The following KIAA0825 variants were observed in gnomAD, a reference collection of about 807,000 sequenced individuals.
The protein encoded by KIAA0825 is KIAA0825.
In KIAA0825, 119 loss-of-function variants were observed where a neutral mutation model predicts 147.6. That is an observed-to-expected ratio of 0.81 (90% confidence interval 0.69 to 0.94). The LOEUF (loss-of-function observed/expected upper bound fraction) is 0.94. Among genes scored for constraint, KIAA0825 ranks in the 40% least tolerant of loss-of-function variants. The pLI is 0.00. For missense variants in KIAA0825, 1,381 were observed against 1,472.7 expected, an observed-to-expected ratio of 0.94 and a Z score of 1.02; for synonymous variants, 470 against 518.1, an observed-to-expected ratio of 0.91 and a Z score of 1.26.
intron 20 of KIAA0825, among the ~76,000 whole-genome samples, chr5:94,198,918 T>G (rs183960295): frequency 1.6e-4 from 24 of 152,352 alleles, no homozygotes; most frequent in Non-Finnish European, 1.0e-4. Context: ...TGGTTCTTTC[T>G]TAAAATGACT....
chr5:94,199,294 C>A (rs1033481629), intron 20 of KIAA0825, among the ~76,000 whole-genome samples: 2 of 152,176 alleles, frequency 1.3e-5, no homozygotes, highest in Admixed American at 6.5e-5. Context: ...TTTCTGCATG[C>A]CTCCAGGGGG....
At chr5:94,400,142 T>C (rs892076969) in intron 16 of KIAA0825, among the ~76,000 whole-genome samples, 4 of 152,146 alleles carry the variant, frequency 2.6e-5, no homozygotes, top group African/African-American at 7.2e-5. Context: ...AACTACCGAA[T>C]AGGTGAAGGC....
chr5:94,479,929 G>A (rs1311702511), intron 6 of KIAA0825, among the ~76,000 whole-genome samples: 2 of 151,878 alleles, frequency 1.3e-5, no homozygotes, highest in Admixed American at 6.6e-5. Context: ...TTTTAAATTG[G>A]GTTGTTTGTT....
At chr5:94,504,855 C>T (rs939466445) in intron 5 of KIAA0825, among the ~76,000 whole-genome samples, 19 of 149,112 alleles carry the variant, frequency 1.3e-4, no homozygotes, top group South Asian at 2.1e-4. Flanking sequence ...TCAAGCAATT[C>T]TCCTGCCTCA....
intron 20 of KIAA0825, among the ~76,000 whole-genome samples, chr5:94,227,229 G>A (rs1562323217): frequency 6.6e-6 from 1 of 152,152 alleles, no homozygotes; most frequent in Non-Finnish European, 1.5e-5. Flanking sequence ...AAAAAATGAT[G>A]AGTTCATGTC....
chr5:94,329,697 G>A (rs1411873129), intron 20 of KIAA0825, among the ~76,000 whole-genome samples: 1 of 152,038 alleles, frequency 6.6e-6, no homozygotes, highest in African/African-American at 2.4e-5. Flanking sequence ...AAATCAAGAC[G>A]TGAATAAAGA....
At chr5:94,557,058 G>C (rs1776666228) in intron 2 of KIAA0825, among the ~76,000 whole-genome samples, 1 of 152,008 alleles carries the variant, frequency 6.6e-6, no homozygotes, top group South Asian at 2.1e-4. Flanking sequence ...CCAGGCTCCT[G>C]GTAGGAAACA....
At chr5:94,319,689 G>A (rs60915122) in intron 20 of KIAA0825, among the ~76,000 whole-genome samples, 1 of 151,838 alleles carries the variant, frequency 6.6e-6, no homozygotes, top group African/African-American at 2.4e-5. Context: ...CTTCAAAATA[G>A]ATGCCAAAGT....
At chr5:94,219,341 G>A (rs1253434106) in intron 20 of KIAA0825, among the ~76,000 whole-genome samples, 1 of 152,056 alleles carries the variant, frequency 6.6e-6, no homozygotes, top group Non-Finnish European at 1.5e-5. Flanking sequence ...GAGAGGAGGT[G>A]GAGCTCAGGT....
At chr5:94,274,595 C>A (rs1346606946) in intron 20 of KIAA0825, among the ~76,000 whole-genome samples, 1 of 152,078 alleles carries the variant, frequency 6.6e-6, no homozygotes, top group Non-Finnish European at 1.5e-5. Flanking sequence ...AGGTATGGTT[C>A]TTTTGCATAC....
Position 94,565,352 on chromosome 5 carries a change from T to TC in KIAA0825, c.-2+17080_-2+17081insG, listed in dbSNP as rs543584398. Among the ~76,000 whole-genome samples, 891 of 151,192 alleles carry TC rather than the reference T, an allele frequency of 5.9e-3. 10 individuals are homozygous for TC. Among genetic ancestry groups the TC allele is most frequent in the African/African-American group, 0.021 (846 of 41,194 alleles). On this transcript the variant is annotated intron_variant, in intron 2 of 20. Transcript: ENST00000682413. ...ATAGCAGGATTTTAATTCCTTTTTT[T>TC]TTTTTTTTGAGACAGAATCTCCTTT...
At chr5:94,599,662 A>G (rs1585007781) in intron 1 of KIAA0825, among the ~76,000 whole-genome samples, 1 of 152,300 alleles carries the variant, frequency 6.6e-6, no homozygotes, top group South Asian at 2.1e-4. Flanking sequence ...GATAAATTGG[A>G]CTGCATTAAA....
chr5:94,223,660 G>A (rs1402431359), intron 20 of KIAA0825, among the ~76,000 whole-genome samples: 4 of 152,166 alleles, frequency 2.6e-5, no homozygotes. Flanking sequence ...ATCGAAGGCT[G>A]TTCTGGTGAT....
chr5:94,325,676 A>G (rs971237458), intron 20 of KIAA0825, among the ~76,000 whole-genome samples: 2 of 152,000 alleles, frequency 1.3e-5, no homozygotes, highest in Admixed American at 6.6e-5. Flanking sequence ...AATACATACA[A>G]TAGAGGAATT....
chr5:94,312,124 C>T (rs1030431216), intron 20 of KIAA0825, among the ~76,000 whole-genome samples: 1 of 151,604 alleles, frequency 6.6e-6, no homozygotes, highest in Non-Finnish European at 1.5e-5. Flanking sequence ...TATGAATATT[C>T]ATAACAATCA....
chr5:94,346,506 C>T (rs987976284), intron 20 of KIAA0825, among the ~76,000 whole-genome samples: 2 of 152,182 alleles, frequency 1.3e-5, no homozygotes, highest in African/African-American at 4.8e-5. Context: ...AGTGCCCCAA[C>T]TGCAGAAGTA....
chr5:94,565,630 C>G (rs1584909143), intron 2 of KIAA0825, among the ~76,000 whole-genome samples: 1 of 152,242 alleles, frequency 6.6e-6, no homozygotes, highest in East Asian at 1.9e-4. Flanking sequence ...GCCTGAGCCA[C>G]CGCACCTGGC....
At chr5:94,428,536 T>C (rs1047714072) in intron 14 of KIAA0825, among the ~76,000 whole-genome samples, 7 of 152,186 alleles carry the variant, frequency 4.6e-5, no homozygotes, top group African/African-American at 1.7e-4. Flanking sequence ...AAATTGTTGG[T>C]TGGAATTTCT....
intron 1 of KIAA0825, chr5:94,594,580 G>T: frequency 1.4e-6 from 1 of 710,162 alleles, no homozygotes; most frequent in East Asian, 2.6e-5. Flanking sequence ...GGAGCTGAAA[G>T]GATTGCTTTG....
Sources: allele counts gnomAD v4.1 joint callset (sites outside exome capture counted in the v4.1 genomes callset), GRCh38; gene constraint gnomAD v4.1.1; transcripts MANE v1.5; gene names NCBI Gene and HGNC (gene_info 2026-07-23, HGNC 2026-07-21).